The following ITGB8 variants were observed in gnomAD, a reference collection of about 807,000 sequenced individuals.
ITGB8 encodes integrin subunit beta 8.
A neutral mutation model predicts 89.5 loss-of-function variants in ITGB8; 30 were observed. The ratio of observed to expected loss-of-function variants is 0.34; its 90% confidence interval spans 0.25 to 0.45. The LOEUF is 0.45. Ranked by LOEUF, ITGB8 falls within the 20% of genes least tolerant of loss-of-function variation. The pLI is 1.00. For missense variants in ITGB8, 836 were observed against 933.3 expected (o/e 0.90, Z 1.36); for synonymous variants, 335 against 320.4 (o/e 1.05, Z -0.49).
intron 6 of ITGB8, among the ~76,000 whole-genome samples, chr7:20,382,237 G>A (rs1219141215): frequency 2.0e-5 from 3 of 152,002 alleles, no homozygotes; most frequent in Non-Finnish European, 2.9e-5. Context: ...CTACGGGGTC[G>A]ATATCTACAA....
intron 1 of ITGB8, among the ~76,000 whole-genome samples, chr7:20,358,893 T>C (rs1785395563): frequency 6.6e-6 from 1 of 152,220 alleles, no homozygotes; most frequent in Non-Finnish European, 1.5e-5. Flanking sequence ...TGTCAGTGTC[T>C]ACTATTCCCA....
chr7:20,400,971 T>TTTTA (rs1441118812), intron 9 of ITGB8, among the ~76,000 whole-genome samples: 3 of 151,966 alleles, frequency 2.0e-5, no homozygotes, highest in Admixed American at 6.6e-5. Flanking sequence ...GGGTTTTGAT[T>TTTTA]TTTATTTATT....
intron 6 of ITGB8, among the ~76,000 whole-genome samples, chr7:20,382,688 T>A (rs1786447626): frequency 6.6e-6 from 1 of 152,234 alleles, no homozygotes; most frequent in South Asian, 2.1e-4. Flanking sequence ...TCTGTTTTTT[T>A]AAGTGGTTAA....
At chr7:20,336,281 A>G (rs537444583) in intron 1 of ITGB8, among the ~76,000 whole-genome samples, 25 of 152,276 alleles carry the variant, frequency 1.6e-4, no homozygotes, top group African/African-American at 6.0e-4. Flanking sequence ...CTGGGCTTAC[A>G]GGCGTGAGCC....
intron 1 of ITGB8, among the ~76,000 whole-genome samples, chr7:20,361,016 T>C (rs2127939900): frequency 6.6e-6 from 1 of 151,590 alleles, no homozygotes; most frequent in Non-Finnish European, 1.5e-5. Flanking sequence ...CCAGCATCTG[T>C]TGTTTCTTGA....
intron 3 of ITGB8, among the ~76,000 whole-genome samples, chr7:20,369,732 A>T (rs1197709260): frequency 6.6e-6 from 1 of 152,256 alleles, no homozygotes; most frequent in Non-Finnish European, 1.5e-5. Context: ...CAATTCTAAA[A>T]ATAAAACTGT....
rs542694364 is a variant in ITGB8, at chr7:20,409,252, G to A, written c.2024-363G>A. On this transcript the variant is annotated intron_variant, in intron 12 of 13. Transcript: ENST00000222573. ...TTTTCCATTTAGTGATCAACAGTAC[G>A]TACCACAAAAACTAGTCCTCTTTCT... Among the ~76,000 whole-genome samples, 29 of 152,258 alleles carry A rather than the reference G, an allele frequency of 1.9e-4. No individual in the cohort carries two copies. In the South Asian group the frequency reaches 5.4e-3, roughly 28 times the overall value.
At chr7:20,330,727 G>C (rs754729580), upstream of ITGB8, 3 of 152,318 alleles carry the variant, frequency 2.0e-5, no homozygotes, top group Admixed American at 6.5e-5. Context: ...CCGCGCCTGC[G>C]GGCAGCCGAG....
At chr7:20,347,040 G>A (rs1416978540) in intron 1 of ITGB8, among the ~76,000 whole-genome samples, 1 of 152,202 alleles carries the variant, frequency 6.6e-6, no homozygotes, top group Non-Finnish European at 1.5e-5. Context: ...AAAAAGGCCT[G>A]TGGGAACTCG....
In ITGB8 at chr7:20,406,054, C is replaced by G; in HGVS notation, c.1914-8C>G. On this transcript the variant is annotated splice_region_variant and splice_polypyrimidine_tract_variant and intron_variant, in intron 11 of 13. Transcript: ENST00000222573. ...AATAAATATTTTCACTTCTGTTTCC[C>G]CTTGCAGGAATTGTATGCAATGCCT... is the stretch of plus-strand genomic sequence containing the variant. 1 of 1,513,440 alleles carries G rather than the reference C, an allele frequency of 6.6e-7. No individual in the cohort carries two copies. Among genetic ancestry groups the G allele is most frequent in the East Asian group, 2.3e-5 (1 of 44,370 alleles). The allele number at this position is 1,513,440 out of a possible 1,614,324, so 93.8% of individuals were successfully genotyped here. A position where few individuals can be genotyped will look rare whatever the true frequency, so the allele number is the denominator to read the frequency against.
intron 6 of ITGB8, among the ~76,000 whole-genome samples, chr7:20,384,266 A>G (rs1156544090): frequency 6.6e-6 from 1 of 152,116 alleles, no homozygotes; most frequent in Non-Finnish European, 1.5e-5. Flanking sequence ...AATGCCAATA[A>G]TGTTGAATGG....
intron 1 of ITGB8, among the ~76,000 whole-genome samples, chr7:20,355,731 C>G (rs3757725): frequency 0.8 from 121,292 of 152,208 alleles, 48,507 homozygotes; most frequent in African/African-American, 0.82. Context: ...AAACACTGTG[C>G]TGTAGGCAAA....
intron 8 of ITGB8, among the ~76,000 whole-genome samples, chr7:20,396,054 C>T (rs1006469075): frequency 6.6e-6 from 1 of 152,170 alleles, no homozygotes; most frequent in Non-Finnish European, 1.5e-5. Context: ...TGTGGAAAAA[C>T]CTCTCGTTTC....
intron 1 of ITGB8, among the ~76,000 whole-genome samples, chr7:20,357,482 G>A (rs968953093): frequency 1.3e-5 from 2 of 151,978 alleles, no homozygotes; most frequent in East Asian, 1.9e-4. Flanking sequence ...GAACATACAC[G>A]TATATATGTG....
Position 20,409,673 on chromosome 7 carries a change from C to A in ITGB8, c.2082C>A (p.Phe694Leu). 2 of 1,611,152 alleles carry A rather than the reference C, an allele frequency of 1.2e-6. No individual in the cohort carries two copies. The highest frequency in any genetic ancestry group is 1.1e-5 in the South Asian group (1 of 90,656). ...RIFFIIFIVT[F>L]LIGLLKVLII... Reference sequence around the variant, plus strand: ...TTTTCATCATTTTCATAGTTACATTCTTGATTGGGTTGCTTAAAGTCCTGA... The same window carrying A: ...TTTTCATCATTTTCATAGTTACATTATTGATTGGGTTGCTTAAAGTCCTGA... The change falls in exon 13 of 14, where the codon TTC becomes TTA. Residue 694 changes from phenylalanine (F) to leucine (L), a missense_variant. Around this residue, in one of 5 missense-constraint regions of ITGB8, gnomAD observed 422 missense variants for 416.9 expected, o/e 1.01. Coordinates refer to ENST00000222573, the MANE Select transcript of ITGB8 (RefSeq NM_002214.3).
chr7:20,332,925 C>CTT (rs34506325), intron 1 of ITGB8, among the ~76,000 whole-genome samples: 2,329 of 142,966 alleles, frequency 0.016, 23 homozygotes, highest in Non-Finnish European at 0.02. Context: ...GTCATACTTT[C>CTT]TTTTTTTTTT....
intron 6 of ITGB8, among the ~76,000 whole-genome samples, chr7:20,389,294 T>C (rs981877407): frequency 2.6e-5 from 4 of 152,174 alleles, no homozygotes; most frequent in Non-Finnish European, 5.9e-5. Flanking sequence ...ATCTGTTGTT[T>C]CCTGACTTTT....
At position 20,331,884 on chromosome 7, in the gene ITGB8, C is replaced by A. The variant is rs777025484; in HGVS notation, c.78C>A (p.Phe26Leu). The change falls in exon 1 of 14, where the codon TTC (phenylalanine) becomes TTA (leucine). Residue 26 changes from phenylalanine (F) to leucine (L), a missense_variant. By Grantham distance (22) the Phe-to-Leu change is conservative (BLOSUM62 0). This residue lies in a region of ITGB8 where 182 missense variants were observed against 177.0 expected (regional missense o/e 1.03). Transcript: ENST00000222573. ...ACGACCGGCGAGGTCCCGCCTCGTT[C>A]CTCTGGGCAGCCTGGGTGTTTTCAC... ...LQNDRRGPAS[F>L]LWAAWVFSLV... 1 of 1,614,164 alleles carries A rather than the reference C, an allele frequency of 6.2e-7. No individual in the cohort carries two copies. Among genetic ancestry groups the A allele is most frequent in the South Asian group, 1.1e-5 (1 of 91,082 alleles).
intron 3 of ITGB8, among the ~76,000 whole-genome samples, chr7:20,368,459 T>G (rs1428979250): frequency 6.6e-6 from 1 of 152,182 alleles, no homozygotes. Context: ...TGCCTGTGTT[T>G]TCTTTTGCCT....
Sources: allele counts gnomAD v4.1 joint callset (sites outside exome capture counted in the v4.1 genomes callset), GRCh38; gene constraint gnomAD v4.1.1; regional missense constraint gnomAD v4.1.1; transcripts MANE v1.5; gene names NCBI Gene and HGNC (gene_info 2026-07-23, HGNC 2026-07-21).